MYCBP2: variants seen among roughly 807,000 people sequenced by gnomAD.
MYCBP2 encodes E3 ubiquitin-protein ligase MYCBP2.
Under a neutral mutation model 525.3 loss-of-function variants are expected in MYCBP2, and 120 were observed. The ratio of observed to expected loss-of-function variants is 0.23; its 90% CI spans 0.20 to 0.27. The LOEUF (loss-of-function observed/expected upper bound fraction) is 0.27, where lower values mean the gene tolerates loss of function less well. Ranked by LOEUF, MYCBP2 falls within the 10% of genes least tolerant of loss-of-function variation. The probability of loss-of-function intolerance (pLI) is 1.00; values close to 1 mark genes in which losing one functional copy is unlikely to be tolerated. For missense variants in MYCBP2, 4,149 were observed against 5,657.1 expected (o/e 0.73, Z 8.55); for synonymous variants, 1,894 against 1,955.8 (o/e 0.97, Z 0.83).
chr13:77,325,217 G>A (rs1350488090), intron 1 of MYCBP2, among the ~76,000 whole-genome samples: 2 of 152,210 alleles, frequency 1.3e-5, no homozygotes, highest in Admixed American at 6.5e-5. Context: ...CTGACTTACA[G>A]CCTCGTCCCT....
intron 62 of MYCBP2, among the ~76,000 whole-genome samples, chr13:77,083,483 T>C (rs1346631134): frequency 1.3e-5 from 2 of 152,268 alleles, no homozygotes; most frequent in East Asian, 3.9e-4. Context: ...TATGCATGTG[T>C]ATGTGTAGTG....
chr13:77,231,765 A>G (rs2067166239), intron 18 of MYCBP2, among the ~76,000 whole-genome samples: 1 of 152,252 alleles, frequency 6.6e-6, no homozygotes, highest in African/African-American at 2.4e-5. Context: ...TCACTTTCAT[A>G]TATTTGGGGG....
chr13:77,150,727 A>T lies in MYCBP2; in HGVS notation c.7131+7T>A. On this transcript the variant is annotated splice_region_variant and intron_variant, in intron 47 of 82. Transcript: ENST00000544440. ...CTAAAATTTTTCTGATAAGTAAAAT[A>T]AATTACCTTCATCATTGTTATGGCA... 6.2e-7 allele frequency: 1 copy of T among 1,607,902 alleles called. No individual in the cohort carries two copies.
rs142015874 is a variant in MYCBP2, at chr13:77,066,283, T to C, written c.12456-195A>G. Among the ~76,000 whole-genome samples the C allele has an allele frequency of 3.6e-3, 544 of 152,328 alleles. 3 individuals carry two copies. Among genetic ancestry groups the C allele is most frequent in the African/African-American group, 0.012 (515 of 41,570 alleles). On this transcript the variant is annotated intron_variant, in intron 71 of 82. Transcript: ENST00000544440. ...AGCAGTTAAGGTTATTTGAGTTCCCTTTCAAGTATTTCTCTGTTTGCACAT... is the reference window on the plus strand; with the variant it reads ...AGCAGTTAAGGTTATTTGAGTTCCCCTTCAAGTATTTCTCTGTTTGCACAT...
At position 77,270,184 on chromosome 13, in the gene MYCBP2, T is replaced by G. The variant is rs2074680048; in HGVS notation, c.1188+112A>C. 4 of 1,429,990 alleles carry G rather than the reference T, an allele frequency of 2.8e-6. No individual in the cohort carries two copies. In the South Asian group the frequency reaches 5.5e-5, roughly 20 times the overall value. The allele number at this position is 1,429,990 out of a possible 1,614,324, so 88.6% of individuals were successfully genotyped here. Reference sequence around the variant, plus strand: ...TTCAATTATGGTTTTCAAATAAATATTATTACACTAAAATTAGATCATATT... The same window carrying G: ...TTCAATTATGGTTTTCAAATAAATAGTATTACACTAAAATTAGATCATATT... On this transcript the variant is annotated intron_variant, in intron 6 of 82. Transcript: ENST00000544440.
intron 40 of MYCBP2, among the ~76,000 whole-genome samples, chr13:77,168,144 T>C (rs887926340): frequency 4.6e-5 from 7 of 152,294 alleles, no homozygotes; most frequent in African/African-American, 1.7e-4. Context: ...CTACTACTAT[T>C]GCAAATCACA....
chr13:77,141,588 T>C (rs151195990), intron 49 of MYCBP2, among the ~76,000 whole-genome samples: 80 of 152,118 alleles, frequency 5.3e-4, no homozygotes, highest in African/African-American at 1.8e-3. Flanking sequence ...CTGGCCACCA[T>C]AGTGAAACCC....
intron 10 of MYCBP2, 70 bp downstream of exon 10, chr13:77,263,581 A>G (rs905463525): frequency 5.9e-6 from 8 of 1,346,492 alleles, no homozygotes; most frequent in Non-Finnish European, 8.2e-6. Flanking sequence ...TGAAAACACA[A>G]TGTTCATTTT....
At chr13:77,229,577 C>G (rs924872316) in intron 18 of MYCBP2, among the ~76,000 whole-genome samples, 1 of 152,190 alleles carries the variant, frequency 6.6e-6, no homozygotes, top group African/African-American at 2.4e-5. Flanking sequence ...AATATTAAAG[C>G]TAGTATTCAT....
chr13:77,192,221 C>T (rs1028271945), intron 27 of MYCBP2, among the ~76,000 whole-genome samples: 3 of 152,222 alleles, frequency 2.0e-5, no homozygotes, highest in African/African-American at 7.2e-5. Context: ...AGTCAGGCAG[C>T]CTGGGTTCAA....
chr13:77,200,446 G>A (rs1383906131), intron 26 of MYCBP2, among the ~76,000 whole-genome samples: 5 of 151,724 alleles, frequency 3.3e-5, no homozygotes, highest in South Asian at 2.1e-4. Flanking sequence ...GGGGAGAATG[G>A]AACCAAGTTG....
chr13:77,325,423 A>G (rs1159807339), intron 1 of MYCBP2, among the ~76,000 whole-genome samples: 1 of 152,220 alleles, frequency 6.6e-6, no homozygotes, highest in East Asian at 1.9e-4. Context: ...TCAGTCACCA[A>G]CCTTCAGGGT....
intron 40 of MYCBP2, 133 bp from the exon 41 acceptor site, chr13:77,166,687 G>C (rs1348738113): frequency 4.0e-6 from 2 of 496,618 alleles, no homozygotes; most frequent in East Asian, 6.3e-5. Context: ...AATTAAAATA[G>C]AATAAAATGT....
chr13:77,074,890 A>G (rs535436484), intron 68 of MYCBP2, among the ~76,000 whole-genome samples: 1 of 152,252 alleles, frequency 6.6e-6, no homozygotes, highest in Non-Finnish European at 1.5e-5. Context: ...AACATGAGAG[A>G]AATTTGGGGA....
Position 77,181,761 on chromosome 13 carries a change from G to A in MYCBP2, c.4881C>T (p.Asn1627=), listed in dbSNP as rs758222278. 5.1e-5 allele frequency: 83 copies of A among 1,613,890 alleles called. No homozygotes were observed. Among genetic ancestry groups the A allele is most frequent in the South Asian group, 1.8e-4 (16 of 91,088 alleles). Residue 1627 remains asparagine, a synonymous_variant, in exon 33 of 83, where the codon AAC becomes AAT. Transcript: ENST00000544440. ...GAAAACGATGAACTAGTGTTGAGTC[G>A]TTCTCTGTACTAACTTGTTTAACAA... ...RSIVKQVSTE[N]DSTLVHRFPL... is the part of the protein sequence containing the mutation.
At chr13:77,269,139 G>C (rs2074499541) in intron 7 of MYCBP2, among the ~76,000 whole-genome samples, 1 of 152,192 alleles carries the variant, frequency 6.6e-6, no homozygotes, top group African/African-American at 2.4e-5. Flanking sequence ...TTGGTCAGGA[G>C]ATAAGATCAC....
chr13:77,098,920 T>G lies in MYCBP2; in HGVS notation c.8234A>C (p.Asp2745Ala). The change falls in exon 56 of 83, where the codon GAT becomes GCT. Residue 2745 changes from aspartate (D) to alanine (A), a missense_variant. Asp to Ala is a moderately radical substitution (Grantham distance 126, BLOSUM62 -2). Coordinates refer to ENST00000544440, the MANE Select transcript of MYCBP2 (RefSeq NM_015057.5). ...SSKHSRSLKP[D>A]GRMSRTTADQ... is the part of the protein sequence containing the mutation. Reference sequence around the variant, plus strand: ...AGCAGTAGTCCGGCTCATACGTCCATCAGGTTTAAGCGATCTGCTGTGTTT... The same window carrying G: ...AGCAGTAGTCCGGCTCATACGTCCAGCAGGTTTAAGCGATCTGCTGTGTTT... 1.9e-6 allele frequency: 3 copies of G among 1,613,674 alleles called. No individual in the cohort carries two copies. Among genetic ancestry groups the G allele is most frequent in the Non-Finnish European group, 2.5e-6 (3 of 1,179,768 alleles).
chr13:77,159,346 T>C (rs1449486704), intron 44 of MYCBP2, among the ~76,000 whole-genome samples: 2 of 152,222 alleles, frequency 1.3e-5, no homozygotes, highest in South Asian at 2.1e-4. Context: ...TCAGAATAAC[T>C]ACCTTACATG....
chr13:77,257,280 G>T (rs1236291898), intron 14 of MYCBP2, among the ~76,000 whole-genome samples: 1 of 151,978 alleles, frequency 6.6e-6, no homozygotes, highest in African/African-American at 2.4e-5. Context: ...ATGGTTAGTT[G>T]GCACAAAAAT....
Sources: allele counts gnomAD v4.1 joint callset (sites outside exome capture counted in the v4.1 genomes callset), GRCh38; gene constraint gnomAD v4.1.1; transcripts MANE v1.5; gene names NCBI Gene and HGNC (gene_info 2026-07-23, HGNC 2026-07-21).